The following CLASP2 variants were observed in gnomAD, a reference collection of about 807,000 sequenced individuals.
The protein encoded by CLASP2 is cytoplasmic linker associated protein 2, also known as CLIP-associating protein 2.
CLASP2 carries 47 observed loss-of-function variants against 194.4 expected under a neutral mutation model. The observed-to-expected ratio is 0.24, with a 90% CI of 0.19 to 0.31. The LOEUF is 0.31. Among genes scored for constraint, CLASP2 ranks in the 10% least tolerant of loss-of-function variants. The pLI is 1.00. For missense variants in CLASP2, 1,445 were observed against 1,823.6 expected (o/e 0.79, Z 3.78); for synonymous variants, 619 against 633.5 (o/e 0.98, Z 0.34).
At chr3:33,694,243 T>C (rs1195025523) in intron 2 of CLASP2, among the ~76,000 whole-genome samples, 1 of 152,066 alleles carries the variant, frequency 6.6e-6, no homozygotes, top group Non-Finnish European at 1.5e-5. Flanking sequence ...AGAAGGAACA[T>C]ATATGGTAAA....
At chr3:33,682,914 T>A (rs1362372697) in intron 6 of CLASP2, 4 of 152,230 alleles carry the variant, frequency 2.6e-5, no homozygotes, top group African/African-American at 4.8e-5. Context: ...ACCTGTATGT[T>A]AATTGTGGGG....
chr3:33,587,231 T>C (rs2067608438), intron 21 of CLASP2, among the ~76,000 whole-genome samples: 1 of 152,072 alleles, frequency 6.6e-6, no homozygotes, highest in Admixed American at 6.6e-5. Context: ...GTTCACGCCA[T>C]TCTCCTGCCT....
intron 34 of CLASP2, among the ~76,000 whole-genome samples, chr3:33,520,152 T>C (rs549967791): frequency 6.6e-6 from 1 of 152,226 alleles, no homozygotes; most frequent in East Asian, 1.9e-4. Flanking sequence ...TAGCTGGAAT[T>C]ACAGGCACCT....
At chr3:33,638,415 C>T (rs1443390995) in intron 8 of CLASP2, among the ~76,000 whole-genome samples, 1 of 152,174 alleles carries the variant, frequency 6.6e-6, no homozygotes, top group Non-Finnish European at 1.5e-5. Flanking sequence ...TGCCATTCTC[C>T]TGCCTCAGCC....
In CLASP2 at chr3:33,622,245, A is replaced by G. The variant is rs1164661014; in HGVS notation, c.1071T>C (p.Ala357=). 1.3e-6 allele frequency: 2 copies of G among 1,549,444 alleles called. No homozygotes were observed. Among genetic ancestry groups the G allele is most frequent in the Non-Finnish European group, 1.7e-6 (2 of 1,148,804 alleles). Residue 357 remains alanine, a synonymous_variant, in exon 11 of 39, where the codon GCT becomes GCC. Transcript: ENST00000682230. The part of the protein sequence containing the change: ...KKIRSLLVAG[A]AQYDCFFQHL... ...GTTGAAAAAAGCAATCATACTGTGC[A>G]GCTCCAGCAACAAGCAGTGATCGAA... is the stretch of plus-strand genomic sequence containing the variant.
intron 6 of CLASP2, among the ~76,000 whole-genome samples, chr3:33,675,240 T>A (rs1047220929): frequency 1.3e-5 from 2 of 151,724 alleles, no homozygotes; most frequent in Non-Finnish European, 3.0e-5. Flanking sequence ...TTATCCACCA[T>A]GATCAAGTGG....
chr3:33,569,476 G>A (rs2063359801), intron 26 of CLASP2, among the ~76,000 whole-genome samples: 1 of 152,106 alleles, frequency 6.6e-6, no homozygotes, highest in Non-Finnish European at 1.5e-5. Flanking sequence ...TAACTGTCTT[G>A]TCCTTTGGCT....
intron 2 of CLASP2, among the ~76,000 whole-genome samples, chr3:33,695,220 A>ATTTTTTT (rs762657276): frequency 0.028 from 2,929 of 103,566 alleles, 198 homozygotes; most frequent in African/African-American, 0.089. Context: ...AAGCCTGCTA[A>ATTTTTTT]TTTTTTTTTT....
chr3:33,561,369 G>T (rs1246951785), intron 27 of CLASP2, among the ~76,000 whole-genome samples: 2 of 150,144 alleles, frequency 1.3e-5, no homozygotes, highest in South Asian at 4.2e-4. Flanking sequence ...GAGTAAATGA[G>T]AAGATGACTA....
chr3:33,585,165 AAGACACT>A (rs561837737), intron 21 of CLASP2, among the ~76,000 whole-genome samples: 242 of 152,346 alleles, frequency 1.6e-3, no homozygotes, highest in Non-Finnish European at 2.9e-3. Flanking sequence ...TTGGAGGTAT[AAGACACT>A]ATGTTTAATA....
Position 33,535,339 on chromosome 3 carries a change from G to A in CLASP2, c.3681C>T (p.Arg1227=), listed in dbSNP as rs779555231. 1 of 1,613,872 alleles carries A rather than the reference G, an allele frequency of 6.2e-7. No individual in the cohort carries two copies. The highest frequency in any genetic ancestry group is 8.5e-7 in the Non-Finnish European group (1 of 1,179,824). The change falls in exon 34 of 39, where the codon CGC becomes CGT. Residue 1227 remains arginine, a synonymous_variant. Transcript: ENST00000682230. ...AGTTATATGGATTATAGTCTCGAGA[G>A]CGTGGAGAGGAGTGAGTAGGCATTG... ...LHSMPTHSSP[R]SRDYNPYNYS...
rs1375042276 is a variant in CLASP2 at position 33,644,657 on chromosome 3, T to C, written c.862+100A>G. ...ACAGACTCCAGATCTGCAATCGTGC[T>C]GCAGTCATGAATAAACATATTCCTC... On this transcript the variant is annotated intron_variant, in intron 8 of 38. Coordinates refer to ENST00000682230, the MANE Select transcript of CLASP2 (RefSeq NM_001365631.1). 6 of 1,277,176 alleles carry C rather than the reference T, an allele frequency of 4.7e-6. No individual in the cohort carries two copies. The East Asian group carries it at 1.2e-4, about 26-fold the overall frequency. 79.1% of individuals were successfully genotyped at this position (1,277,176 alleles called of 1,614,324 possible).
chr3:33,568,834 T>C (rs1236729406), intron 26 of CLASP2, among the ~76,000 whole-genome samples: 1 of 152,128 alleles, frequency 6.6e-6, no homozygotes, highest in East Asian at 1.9e-4. Flanking sequence ...AAGATGGAAC[T>C]GTTGGTCTAA....
chr3:33,718,124 G>C lies in CLASP2; in HGVS notation c.-122C>G. 1 of 1,016,070 alleles carries C rather than the reference G, an allele frequency of 9.8e-7. No individual in the cohort carries two copies. Among genetic ancestry groups the C allele is most frequent in the South Asian group, 2.4e-5 (1 of 42,134 alleles). 62.9% of individuals were successfully genotyped at this position (1,016,070 alleles called of 1,614,324 possible). On this transcript the variant is annotated 5_prime_UTR_variant, in exon 1 of 39. Coordinates refer to ENST00000682230, the MANE Select transcript of CLASP2 (RefSeq NM_001365631.1). ...ACTCACTTAGCCCGCCAGGGGCGCG[G>C]CTTGCGGGGCGCAGCGGGCGGCGGG...
At chr3:33,547,324 C>G (rs1377265182) in intron 30 of CLASP2, among the ~76,000 whole-genome samples, 1 of 152,204 alleles carries the variant, frequency 6.6e-6, no homozygotes, top group African/African-American at 2.4e-5. Context: ...CCCTCTCTGC[C>G]TGCTGACATC....
chr3:33,710,689 C>T (rs1418082992), intron 1 of CLASP2, among the ~76,000 whole-genome samples: 6 of 152,254 alleles, frequency 3.9e-5, no homozygotes, highest in Non-Finnish European at 8.8e-5. Context: ...AATCCCAGTA[C>T]TTTGGGAGGC....
chr3:33,624,422 A>G lies in CLASP2; in HGVS notation c.1036-2142T>C, dbSNP rs1387465736. ...AACTAAAAACAAAATAAAAATCACA[A>G]TATGGTAGGATAAAATTACCTGCAA... On this transcript the variant is annotated intron_variant, in intron 10 of 38. Coordinates refer to ENST00000682230, the MANE Select transcript of CLASP2 (RefSeq NM_001365631.1). 2.0e-5 allele frequency among the ~76,000 whole-genome samples: 3 copies of G among 152,110 alleles called. No individual in the cohort carries two copies. The East Asian group carries it at 5.8e-4, about 29-fold the overall frequency.
chr3:33,509,393 T>A (rs902839592), intron 37 of CLASP2, among the ~76,000 whole-genome samples: 1 of 152,218 alleles, frequency 6.6e-6, no homozygotes, highest in Non-Finnish European at 1.5e-5. Context: ...TTTTGTATAT[T>A]TAGTAGAGAC....
chr3:33,678,171 A>G (rs1464204110), intron 6 of CLASP2, among the ~76,000 whole-genome samples: 2 of 152,124 alleles, frequency 1.3e-5, no homozygotes, highest in Non-Finnish European at 2.9e-5. Context: ...ATAGAACAAG[A>G]AAGAACAGAA....
Sources: gnomAD v4.1 joint callset for allele counts (sites outside exome capture counted in the v4.1 genomes callset) on GRCh38, gnomAD v4.1.1 for gene constraint, MANE v1.5 for transcripts, NCBI Gene and HGNC (gene_info 2026-07-23, HGNC 2026-07-21) for gene names.